ZNF329: variants seen among roughly 807,000 people sequenced by gnomAD.
The protein encoded by ZNF329 is zinc finger protein 329.
A neutral mutation model predicts 26.6 loss-of-function variants in ZNF329; 15 were observed. That is an observed-to-expected ratio of 0.56 (90% CI 0.38 to 0.87). The LOEUF is 0.87. ZNF329 is among the 40% of genes least tolerant of loss of function. The probability of loss-of-function intolerance (pLI) is 0.00; values close to 1 mark genes in which losing one functional copy is unlikely to be tolerated. For missense variants in ZNF329, 651 were observed against 651.9 expected (o/e 1.00, Z 0.02); for synonymous variants, 239 against 233.5 (o/e 1.02, Z -0.21).
chr19:58,133,354 G>C (rs1173333001), intron 3 of ZNF329, among the ~76,000 whole-genome samples: 1 of 152,196 alleles, frequency 6.6e-6, no homozygotes, highest in Non-Finnish European at 1.5e-5. Flanking sequence ...GGTAGGCCAA[G>C]GTGGATGGGT....
chr19:58,150,887 T>C (rs34003091), upstream of ZNF329: 17,795 of 152,578 alleles, frequency 0.12, 1,311 homozygotes, highest in Middle Eastern at 0.23. Flanking sequence ...GGTTATTCAT[T>C]ACCCTGGCGT....
chr19:58,148,076 T>C lies in ZNF329; in HGVS notation c.-208+2676A>G, dbSNP rs1028950048. ...AAATTCTTCTGCCTTGGGATCCTGTTGATCTGTGACCTTACCCCCAACCCT... is the reference window on the plus strand; with the variant it reads ...AAATTCTTCTGCCTTGGGATCCTGTCGATCTGTGACCTTACCCCCAACCCT... On this transcript the variant is annotated intron_variant, in intron 1 of 3. Transcript: ENST00000598312. 4.6e-5 allele frequency among the ~76,000 whole-genome samples: 7 copies of C among 152,042 alleles called. 1 individual carries two copies. The highest frequency in any genetic ancestry group is 1.7e-4 in the African/African-American group (7 of 41,310).
Position 58,145,314 on chromosome 19 carries a change from C to CTTT in ZNF329, c.-207-2119_-207-2117dup, listed in dbSNP as rs71188087. ...GCCAAAAAAAATTTCTTTTTTCTTC[C>CTTT]TTTTTTTTTTTTTTTTTTTTTTTTG... is the stretch of plus-strand genomic sequence containing the variant. On this transcript the variant is annotated intron_variant, in intron 1 of 3. Transcript: ENST00000598312. Among the ~76,000 whole-genome samples, 263 of 106,096 alleles carry CTTT rather than the reference C, an allele frequency of 2.5e-3. 1 individual carries two copies. Among genetic ancestry groups the CTTT allele is most frequent in the African/African-American group, 8.9e-3 (209 of 23,572 alleles). 69.6% of individuals were successfully genotyped at this position (106,096 alleles called of 152,430 possible). A position where few individuals can be genotyped will look rare whatever the true frequency, so the allele number is the denominator to read the frequency against.
At chr19:58,137,949 A>C (rs1013613611) in intron 3 of ZNF329, among the ~76,000 whole-genome samples, 1 of 152,130 alleles carries the variant, frequency 6.6e-6, no homozygotes, top group Non-Finnish European at 1.5e-5. Context: ...ACTTCACTCC[A>C]GCCTAGCTGA....
chr19:58,131,111 A>ATATGTGTGTGTGTGTGTG (rs1480205883), intron 3 of ZNF329, among the ~76,000 whole-genome samples: 115 of 147,622 alleles, frequency 7.8e-4, no homozygotes, highest in African/African-American at 2.6e-3. Flanking sequence ...ATACATGTAT[A>ATATGTGTGTGTGTGTGTG]TGTGTATATG....
chr19:58,137,069 A>C (rs549450976), intron 3 of ZNF329: 62 of 164,534 alleles, frequency 3.8e-4, no homozygotes, highest in Non-Finnish European at 3.7e-4. Context: ...AAAAAAAAAA[A>C]AAAAACAGTT....
intron 3 of ZNF329, among the ~76,000 whole-genome samples, chr19:58,131,851 G>A (rs143712775): frequency 0.072 from 10,865 of 151,788 alleles, 471 homozygotes; most frequent in East Asian, 0.13. Context: ...GTGAAACCCC[G>A]TCTCTATTAA....
rs371441491 is a variant in ZNF329 at position 58,127,865 on chromosome 19, T to C, written c.*13A>G. On this transcript the variant is annotated 3_prime_UTR_variant, in exon 4 of 4. Transcript: ENST00000598312. ...GTGAGAGTGAACTGGAAGACTCATG[T>C]GGCCCCCAACCATTATGTTTCCATG... The C allele has an allele frequency of 1.9e-6, 3 of 1,563,126 alleles. No individual in the cohort carries two copies. The highest frequency in any genetic ancestry group is 2.6e-6 in the Non-Finnish European group (3 of 1,153,974).
At position 58,128,954 on chromosome 19, in the gene ZNF329, A is replaced by G. The variant is rs752850429; in HGVS notation, c.550T>C (p.Phe184Leu). The change falls in exon 4 of 4, where the codon TTT (phenylalanine) becomes CTT (leucine). Residue 184 changes from phenylalanine to leucine, a missense_variant. Physicochemically the swap from Phe to Leu is conservative, Grantham distance 22. Coordinates refer to ENST00000598312, the MANE Select transcript of ZNF329 (RefSeq NM_024620.4). ...SYEGKNFENI[F>L]TLSSSLNENQ... ...TCATTAAGCGATGAGCTCAGAGTAA[A>G]GATGTTCTCAAAATTCTTACCTTCA... The G allele has an allele frequency of 9.9e-6, 16 of 1,613,536 alleles. No homozygotes were observed. Among genetic ancestry groups the G allele is most frequent in the Non-Finnish European group, 1.4e-5 (16 of 1,179,872 alleles).
intron 3 of ZNF329, chr19:58,132,628 C>T (rs1212317290): frequency 7.7e-6 from 1 of 130,650 alleles, no homozygotes; most frequent in African/African-American, 2.8e-5. Flanking sequence ...TGCAGTGAGA[C>T]AAGATTATAC....
chr19:58,140,266 T>C (rs1023521216), intron 3 of ZNF329, among the ~76,000 whole-genome samples: 4 of 152,176 alleles, frequency 2.6e-5, no homozygotes, highest in African/African-American at 9.7e-5. Flanking sequence ...GACTTAGGGC[T>C]TTAGAATTTA....
intron 3 of ZNF329, among the ~76,000 whole-genome samples, chr19:58,135,681 G>A (rs938916541): frequency 6.6e-6 from 1 of 152,114 alleles, no homozygotes; most frequent in Non-Finnish European, 1.5e-5. Context: ...GAAAATCTAC[G>A]TACAAATTAA....
chr19:58,135,955 C>T (rs1364376182), intron 3 of ZNF329, among the ~76,000 whole-genome samples: 1 of 152,216 alleles, frequency 6.6e-6, no homozygotes, highest in South Asian at 2.1e-4. Context: ...GAACAGGCCA[C>T]GCACGGTGGC....
intron 3 of ZNF329, among the ~76,000 whole-genome samples, 163 bp from the exon 4 acceptor site, chr19:58,129,674 G>A (rs1343105303): frequency 6.6e-6 from 1 of 152,104 alleles, no homozygotes. Context: ...GCCAAGGAAT[G>A]GAACCAAGAA....
At chr19:58,138,251 C>T in intron 3 of ZNF329, among the ~76,000 whole-genome samples, 1 of 152,164 alleles carries the variant, frequency 6.6e-6, no homozygotes, top group East Asian at 1.9e-4. Context: ...AAAATACTCT[C>T]AGATTCAAGT....
chr19:58,147,616 G>A (rs572480512), intron 1 of ZNF329, among the ~76,000 whole-genome samples: 1 of 135,272 alleles, frequency 7.4e-6, no homozygotes, highest in African/African-American at 3.0e-5. Flanking sequence ...CCCTCCGCCT[G>A]GCCAGACGCC....
Position 58,146,557 on chromosome 19 carries a change from G to A in ZNF329, c.-207-3359C>T, listed in dbSNP as rs562045204. On this transcript the variant is annotated intron_variant, in intron 1 of 3. Transcript: ENST00000598312. ...CCCCTCCCCCTCTCCCTCTCCCCAC[G>A]GTCTCCCTCTCCCTCTCTTTCCACG... Among the ~76,000 whole-genome samples the A allele has an allele frequency of 7.4e-3, 1,013 of 137,746 alleles. 3 individuals are homozygous for A. Among genetic ancestry groups the A allele is most frequent in the African/African-American group, 0.029 (910 of 30,894 alleles). 90.4% of individuals were successfully genotyped at this position (137,746 alleles called of 152,430 possible). A position where few individuals can be genotyped will look rare whatever the true frequency, so the allele number is the denominator to read the frequency against.
intron 3 of ZNF329, among the ~76,000 whole-genome samples, chr19:58,139,090 T>G (rs1168837375): frequency 6.6e-6 from 1 of 152,124 alleles, no homozygotes; most frequent in Non-Finnish European, 1.5e-5. Flanking sequence ...AACGATGCCT[T>G]GGCAAGACAC....
chr19:58,143,286 G>A (rs1983343284), intron 1 of ZNF329, 88 bp from the exon 2 acceptor site: 1 of 143,476 alleles, frequency 7.0e-6, no homozygotes, highest in Non-Finnish European at 1.6e-5. Context: ...CAAGACCTGA[G>A]AGGGCATTTG....
Sources: allele counts gnomAD v4.1 joint callset (sites outside exome capture counted in the v4.1 genomes callset), GRCh38; gene constraint gnomAD v4.1.1; transcripts MANE v1.5; gene names NCBI Gene and HGNC (gene_info 2026-07-23, HGNC 2026-07-21).